Variants in CPQ observed in about 807,000 individuals in gnomAD.
The protein encoded by CPQ is Ser-Met dipeptidase.
In CPQ, 37 loss-of-function variants were observed where a neutral mutation model predicts 45.7. The observed-to-expected ratio is 0.81, with a 90% CI of 0.62 to 1.07. The LOEUF is 1.07. Ranked by LOEUF, CPQ falls within the 50% of genes least tolerant of loss-of-function variation. The pLI, the probability that CPQ is intolerant of heterozygous loss-of-function variation, is 0.00. For synonymous variants in CPQ, 186 were observed against 205.8 expected (o/e 0.90, Z 0.82); for missense variants, 537 against 572.9 (o/e 0.94, Z 0.64).
intron 1 of CPQ, among the ~76,000 whole-genome samples, chr8:96,744,281 A>T (rs1212496538): frequency 6.6e-6 from 1 of 152,100 alleles, no homozygotes; most frequent in African/African-American, 2.4e-5. Flanking sequence ...AGGAAAGGGA[A>T]CTCCCTGACC....
chr8:96,846,879 C>G (rs1322345929), intron 3 of CPQ, among the ~76,000 whole-genome samples: 2 of 152,154 alleles, frequency 1.3e-5, no homozygotes, highest in Non-Finnish European at 2.9e-5. Context: ...AAGCTTTAGT[C>G]TCCTTATATC....
At chr8:96,768,660 T>C (rs1036415733) in intron 1 of CPQ, among the ~76,000 whole-genome samples, 2 of 152,200 alleles carry the variant, frequency 1.3e-5, no homozygotes, top group Non-Finnish European at 1.5e-5. Flanking sequence ...AACAGCTGTT[T>C]AGTGAAGCAG....
At chr8:96,840,540 T>C (rs1216729632) in intron 3 of CPQ, among the ~76,000 whole-genome samples, 1 of 152,192 alleles carries the variant, frequency 6.6e-6, no homozygotes, top group African/African-American at 2.4e-5. Context: ...TCCAGCAATC[T>C]GGTTTAACAA....
rs142847863 is a variant in CPQ at position 97,112,579 on chromosome 8, G to A, written c.1256-30441G>A. On this transcript the variant is annotated intron_variant, in intron 7 of 7. Coordinates refer to ENST00000220763, the MANE Select transcript of CPQ (RefSeq NM_016134.4). ...GGCAGCAAGGATATTCCCATCACAG[G>A]CCTTTCTTGTACGTTCTAAGAAAGA... Among the ~76,000 whole-genome samples, 7 of 152,326 alleles carry A rather than the reference G, an allele frequency of 4.6e-5. No individual in the cohort carries two copies. The East Asian group carries it at 9.6e-4, about 21-fold the overall frequency.
At chr8:96,689,593 T>A (rs1196703931) in intron 1 of CPQ, among the ~76,000 whole-genome samples, 3 of 152,154 alleles carry the variant, frequency 2.0e-5, no homozygotes, top group Non-Finnish European at 4.4e-5. Flanking sequence ...TTAAAAAAAG[T>A]TTGTCAGCAG....
intron 1 of CPQ, among the ~76,000 whole-genome samples, chr8:96,654,019 A>G (rs1283947915): frequency 1.3e-5 from 2 of 152,252 alleles, no homozygotes; most frequent in Non-Finnish European, 2.9e-5. Context: ...CAGTGCCCAT[A>G]TCATAGAAGC....
chr8:96,797,534 C>A (rs1229930768), intron 2 of CPQ, among the ~76,000 whole-genome samples: 1 of 152,132 alleles, frequency 6.6e-6, no homozygotes, highest in Non-Finnish European at 1.5e-5. Context: ...GAATATAGAG[C>A]ATAATCATGA....
At chr8:96,755,258 C>T (rs988020168) in intron 1 of CPQ, among the ~76,000 whole-genome samples, 8 of 151,958 alleles carry the variant, frequency 5.3e-5, no homozygotes, top group Non-Finnish European at 1.2e-4. Context: ...CTGCCTTAGT[C>T]TTCTTGTTCC....
At chr8:96,999,893 A>G (rs1809243558) in intron 5 of CPQ, among the ~76,000 whole-genome samples, 1 of 152,008 alleles carries the variant, frequency 6.6e-6, no homozygotes, top group African/African-American at 2.4e-5. Flanking sequence ...CAACCTTATC[A>G]GCATCTGTTA....
At chr8:96,926,603 TTCTTC>T in intron 4 of CPQ, among the ~76,000 whole-genome samples, 1 of 147,856 alleles carries the variant, frequency 6.8e-6, no homozygotes, top group African/African-American at 2.6e-5. Flanking sequence ...CTTCTTCTTC[TTCTTC>T]TTCTTCTTCT....
chr8:97,015,555 A>AATAG, intron 5 of CPQ, among the ~76,000 whole-genome samples: 1 of 152,218 alleles, frequency 6.6e-6, no homozygotes. Flanking sequence ...AGTGTAGAAA[A>AATAG]ATAGATACAA....
At chr8:96,870,913 GGAA>G (rs1457241212) in intron 3 of CPQ, among the ~76,000 whole-genome samples, 1 of 151,904 alleles carries the variant, frequency 6.6e-6, no homozygotes, top group Non-Finnish European at 1.5e-5. Flanking sequence ...ATGTCTAACA[GGAA>G]GAAGAAAACC....
intron 1 of CPQ, among the ~76,000 whole-genome samples, chr8:96,734,082 C>CA (rs1809947144): frequency 6.6e-6 from 1 of 152,196 alleles, no homozygotes; most frequent in South Asian, 2.1e-4. Context: ...ACAGTGCGCA[C>CA]AGCTGTATGT....
chr8:96,831,652 A>G (rs1464730609), intron 2 of CPQ, among the ~76,000 whole-genome samples: 2 of 152,132 alleles, frequency 1.3e-5, no homozygotes, highest in African/African-American at 2.4e-5. Context: ...TTCCTAAAGT[A>G]TTTTGTACAC....
intron 1 of CPQ, among the ~76,000 whole-genome samples, chr8:96,685,832 A>G (rs951973024): frequency 6.6e-6 from 1 of 152,104 alleles, no homozygotes; most frequent in African/African-American, 2.4e-5. Context: ...GACATCTTTA[A>G]CATTTAGAGT....
rs577468327 is a variant in CPQ, at chr8:96,678,674, A to T, written c.-35+33272A>T. 9.3e-5 allele frequency among the ~76,000 whole-genome samples: 14 copies of T among 150,198 alleles called. No individual in the cohort carries two copies. In the South Asian group the frequency reaches 2.9e-3, roughly 31 times the overall value. ...GATTAGTGATGCAAAGCATTTTTTC[A>T]TATACATGTTTTCCACTTGTGTATC... On this transcript the variant is annotated intron_variant, in intron 1 of 7. Transcript: ENST00000220763.
At position 96,946,234 on chromosome 8, in the gene CPQ, T is replaced by C. The variant is rs142779405; in HGVS notation, c.850-19701T>C. Among the ~76,000 whole-genome samples, 11 of 152,272 alleles carry C rather than the reference T, an allele frequency of 7.2e-5. No homozygotes were observed. The South Asian group carries it at 1.7e-3, about 23-fold the overall frequency. On this transcript the variant is annotated intron_variant, in intron 4 of 7. Coordinates refer to ENST00000220763, the MANE Select transcript of CPQ (RefSeq NM_016134.4). ...ACTCTTCCCTTTTAGTTCCATTCCA[T>C]AGGACTTCTAAAACAGATACTTGCA...
At chr8:96,653,304 A>G (rs1815599554) in intron 1 of CPQ, among the ~76,000 whole-genome samples, 2 of 151,968 alleles carry the variant, frequency 1.3e-5, no homozygotes, top group African/African-American at 2.4e-5. Flanking sequence ...TTTGATTTGC[A>G]TTTCTTTGAT....
chr8:97,132,648 A>G (rs1326624905), intron 7 of CPQ, among the ~76,000 whole-genome samples: 1 of 152,230 alleles, frequency 6.6e-6, no homozygotes, highest in African/African-American at 2.4e-5. Flanking sequence ...TAAAGCTTTC[A>G]TTATAAACTC....
Sources: gnomAD v4.1 joint callset for allele counts (sites outside exome capture counted in the v4.1 genomes callset) on GRCh38, gnomAD v4.1.1 for gene constraint, MANE v1.5 for transcripts, NCBI Gene and HGNC (gene_info 2026-07-23, HGNC 2026-07-21) for gene names.